Variants in NBEA observed in about 807,000 individuals in gnomAD.
The protein encoded by NBEA is lysosomal-trafficking regulator 2.
Under a neutral mutation model 343.4 loss-of-function variants are expected in NBEA, and 44 were observed. The ratio of observed to expected loss-of-function variants is 0.13; its 90% CI spans 0.10 to 0.16. The LOEUF (loss-of-function observed/expected upper bound fraction) is 0.16, where lower values mean the gene tolerates loss of function less well. Ranked by LOEUF, NBEA falls within the 10% of genes least tolerant of loss-of-function variation. NBEA has a pLI of 1.00. For missense variants in NBEA, 2,555 were observed against 3,631.3 expected (o/e 0.70, Z 7.62); for synonymous variants, 1,175 against 1,238.7 (o/e 0.95, Z 1.08).
intron 47 of NBEA, among the ~76,000 whole-genome samples, chr13:35,603,915 T>C (rs2082170584): frequency 6.6e-6 from 1 of 152,214 alleles, no homozygotes; most frequent in Non-Finnish European, 1.5e-5. Context: ...ATTCCTCATG[T>C]TTTCCCAAAG....
chr13:35,220,621 C>A (rs1457304568), intron 33 of NBEA, among the ~76,000 whole-genome samples: 1 of 151,926 alleles, frequency 6.6e-6, no homozygotes, highest in Non-Finnish European at 1.5e-5. Context: ...CCACTCCAAC[C>A]CACCTGATGT....
intron 55 of NBEA, among the ~76,000 whole-genome samples, chr13:35,663,780 G>T (rs983228003): frequency 1.3e-5 from 2 of 151,962 alleles, no homozygotes; most frequent in African/African-American, 2.4e-5. Context: ...CATTATAAAT[G>T]GACACTCTAC....
At chr13:35,103,509 C>T (rs1222503686) in intron 11 of NBEA, among the ~76,000 whole-genome samples, 1 of 151,272 alleles carries the variant, frequency 6.6e-6, no homozygotes, top group Non-Finnish European at 1.5e-5. Context: ...TCCTGGAAAG[C>T]GTTTCACTTT....
At chr13:35,348,985 A>C (rs1000468826) in intron 36 of NBEA, 123 bp from the exon 37 acceptor site, 7 of 402,524 alleles carry the variant, frequency 1.7e-5, no homozygotes, top group African/African-American at 1.2e-4. Context: ...AAATATATTA[A>C]TTTTATATCT....
At chr13:35,016,741 T>G (rs1262737347) in intron 1 of NBEA, among the ~76,000 whole-genome samples, 1 of 152,148 alleles carries the variant, frequency 6.6e-6, no homozygotes, top group Non-Finnish European at 1.5e-5. Context: ...GTATTTTAGG[T>G]AGTGTAGTCA....
intron 7 of NBEA, among the ~76,000 whole-genome samples, chr13:35,058,029 G>C (rs948057861): frequency 9.2e-5 from 14 of 152,124 alleles, no homozygotes; most frequent in African/African-American, 3.4e-4. Flanking sequence ...AAGGAACTGA[G>C]CCATGACTGC....
chr13:35,083,233 T>C (rs918864804), intron 10 of NBEA, among the ~76,000 whole-genome samples: 15 of 152,194 alleles, frequency 9.9e-5, no homozygotes, highest in African/African-American at 3.4e-4. Context: ...GTTGTGGATA[T>C]GTGGCCTTAT....
chr13:35,523,700 C>T (rs925573842), intron 41 of NBEA, among the ~76,000 whole-genome samples: 2 of 152,128 alleles, frequency 1.3e-5, no homozygotes, highest in South Asian at 2.1e-4. Context: ...TTAGGAATCC[C>T]TTCTATATCA....
chr13:35,182,298 T>C, intron 28 of NBEA, 62 bp from the exon 29 acceptor site: 2 of 1,457,456 alleles, frequency 1.4e-6, no homozygotes, highest in Non-Finnish European at 1.8e-6. Context: ...CAGTTTCTAG[T>C]GCTTTAAGAA....
chr13:35,387,243 T>C (rs183099508), intron 38 of NBEA, among the ~76,000 whole-genome samples: 87 of 152,232 alleles, frequency 5.7e-4, no homozygotes, highest in African/African-American at 2.0e-3. Flanking sequence ...CATTACAAAA[T>C]TATAGATGTG....
intron 36 of NBEA, among the ~76,000 whole-genome samples, chr13:35,335,643 C>G (rs190460421): frequency 2.6e-5 from 4 of 152,156 alleles, no homozygotes; most frequent in Admixed American, 6.5e-5. Context: ...TAGGACACAA[C>G]TTCGTAAGTC....
At chr13:35,478,427 G>A (rs1333619130) in intron 41 of NBEA, among the ~76,000 whole-genome samples, 2 of 152,142 alleles carry the variant, frequency 1.3e-5, no homozygotes, top group African/African-American at 2.4e-5. Context: ...CGGAGAACCT[G>A]CAGCCACGAC....
rs1449255246 is a variant in NBEA, at chr13:35,159,273, A to C, written c.3102A>C (p.Ser1034=). The change falls in exon 22 of 59, where the codon TCA becomes TCC. Residue 1034 remains serine (S), a synonymous_variant. Coordinates refer to ENST00000379939, the MANE Select transcript of NBEA (RefSeq NM_001385012.1). The part of the protein sequence containing the change: ...TRDLLMSTKV[S]DDILGNSDRP... ...ACTTACTCATGTCAACAAAAGTGTC[A>C]GATGATATTCTTGGAAATTCAGATA... The C allele has an allele frequency of 6.2e-7, 1 of 1,613,634 alleles. No individual in the cohort carries two copies.
chr13:35,076,687 A>G (rs1307149626), intron 10 of NBEA, among the ~76,000 whole-genome samples: 1 of 152,064 alleles, frequency 6.6e-6, no homozygotes, highest in Non-Finnish European at 1.5e-5. Flanking sequence ...ACTACAAATT[A>G]TTCCTTGCAG....
In NBEA at chr13:34,942,659, G is replaced by A. The variant is rs1308436858; in HGVS notation, c.-162G>A. 2.5e-6 allele frequency: 1 copy of A among 405,054 alleles called. No homozygotes were observed. Among genetic ancestry groups the A allele is most frequent in the African/African-American group, 2.1e-5 (1 of 47,794 alleles). The allele number at this position is 405,054 out of a possible 1,614,324, so 25.1% of individuals were successfully genotyped here. ...CGCCTCCGCGGGGGAGAGCGCCGGA[G>A]CGGGCCGGGCTGAGGCGCAGGCGGG... On this transcript the variant is annotated 5_prime_UTR_variant, in exon 1 of 59. Coordinates refer to ENST00000379939, the MANE Select transcript of NBEA (RefSeq NM_001385012.1).
At chr13:35,607,693 T>C (rs2082333271) in intron 48 of NBEA, among the ~76,000 whole-genome samples, 1 of 152,198 alleles carries the variant, frequency 6.6e-6, no homozygotes. Context: ...TCCTTAATCC[T>C]CTTTTCTTAA....
intron 49 of NBEA, among the ~76,000 whole-genome samples, chr13:35,638,073 TAGAGAA>T (rs1179442207): frequency 6.6e-6 from 1 of 151,998 alleles, no homozygotes; most frequent in African/African-American, 2.4e-5. Flanking sequence ...GTCAAAATCA[TAGAGAA>T]AGAAAGTGGA....
intron 38 of NBEA, among the ~76,000 whole-genome samples, chr13:35,424,180 C>T (rs1594585100): frequency 6.6e-6 from 1 of 152,082 alleles, no homozygotes; most frequent in Admixed American, 6.6e-5. Flanking sequence ...GAACTTCCAA[C>T]ACATTGTTGA....
chr13:35,040,285 C>T (rs1262054326), intron 1 of NBEA, among the ~76,000 whole-genome samples: 1 of 151,818 alleles, frequency 6.6e-6, no homozygotes, highest in African/African-American at 2.4e-5. Flanking sequence ...ATGGGAGGGG[C>T]AGTATGACTT....
Sources: allele counts gnomAD v4.1 joint callset (sites outside exome capture counted in the v4.1 genomes callset), GRCh38; gene constraint gnomAD v4.1.1; transcripts MANE v1.5; gene names NCBI Gene and HGNC (gene_info 2026-07-23, HGNC 2026-07-21).